Variants in WASHC5 observed in about 807,000 individuals in gnomAD.
The protein encoded by WASHC5 is WASH complex subunit 5, also known as WASH complex subunit strumpellin.
WASHC5 carries 101 observed loss-of-function variants against 150.4 expected under a neutral mutation model. That is an observed-to-expected ratio of 0.67 (90% CI 0.57 to 0.79). The LOEUF (loss-of-function observed/expected upper bound fraction) is 0.79, where lower values mean the gene tolerates loss of function less well. WASHC5 is among the 30% of genes least tolerant of loss of function. WASHC5 has a pLI of 0.00. For missense variants in WASHC5, 1,195 were observed against 1,396.3 expected (o/e 0.86, Z 2.30); for synonymous variants, 467 against 491.2 (o/e 0.95, Z 0.65).
chr8:125,035,294 A>G (rs943924877), intron 26 of WASHC5, among the ~76,000 whole-genome samples: 1 of 152,226 alleles, frequency 6.6e-6, no homozygotes, highest in Non-Finnish European at 1.5e-5. Flanking sequence ...ACTTTCCATA[A>G]GCAGCTTTAC....
chr8:125,028,057 C>A (rs1009254295), intron 28 of WASHC5, among the ~76,000 whole-genome samples: 2 of 152,154 alleles, frequency 1.3e-5, no homozygotes, highest in African/African-American at 4.8e-5. Context: ...TTCTAAAAAT[C>A]AAATGATTTT....
intron 27 of WASHC5, among the ~76,000 whole-genome samples, chr8:125,030,637 T>TAA (rs71295816): frequency 0.023 from 1,216 of 52,770 alleles, 63 homozygotes; most frequent in African/African-American, 0.046. Flanking sequence ...CTCTTTCTCA[T>TAA]AAAAAAAAAA....
Position 125,067,655 on chromosome 8 carries a change from G to A in WASHC5, c.1215C>T (p.Tyr405=), listed in dbSNP as rs1233859669. The A allele has an allele frequency of 1.2e-6, 2 of 1,613,338 alleles. No homozygotes were observed. Among genetic ancestry groups the A allele is most frequent in the Admixed American group, 1.7e-5 (1 of 60,022 alleles). Residue 405 remains tyrosine (Y), a synonymous_variant, in exon 10 of 29, where the codon TAC becomes TAT. Transcript: ENST00000318410. ...IKDQILTDSR[Y]NPRILFQLLL... ...GCAGCTGGAAGAGGATCCTGGGATT[G>A]TACCGAGAGTCTGTTAGAATCTGGT... is the stretch of plus-strand genomic sequence containing the variant.
At chr8:125,046,418 T>G (rs1816070762) in intron 20 of WASHC5, among the ~76,000 whole-genome samples, 1 of 152,230 alleles carries the variant, frequency 6.6e-6, no homozygotes, top group Non-Finnish European at 1.5e-5. Flanking sequence ...ACCCAGTTAC[T>G]GCTGAACGTA....
At chr8:125,044,990 G>A (rs1022638661) in intron 20 of WASHC5, 3 of 421,140 alleles carry the variant, frequency 7.1e-6, no homozygotes, top group Non-Finnish European at 1.3e-5. Flanking sequence ...AGAAGACAAG[G>A]TTAGGTTCAG....
chr8:125,035,679 G>C (rs1815683506), intron 26 of WASHC5, among the ~76,000 whole-genome samples: 1 of 152,254 alleles, frequency 6.6e-6, no homozygotes, highest in Admixed American at 6.5e-5. Flanking sequence ...TGTTTGAGGA[G>C]ATCATGCTCT....
At chr8:125,032,558 G>A in intron 26 of WASHC5, 164 bp from the exon 27 acceptor site, 1 of 775,390 alleles carries the variant, frequency 1.3e-6, no homozygotes. Context: ...ATTAGCCACA[G>A]GATTGGTAGG....
chr8:125,067,413 G>A (rs1414889066), intron 10 of WASHC5, among the ~76,000 whole-genome samples, 179 bp downstream of exon 10: 1 of 152,170 alleles, frequency 6.6e-6, no homozygotes, highest in Non-Finnish European at 1.5e-5. Flanking sequence ...CCAGTGAAAG[G>A]AGGCACTACA....
chr8:125,037,358 T>C, intron 25 of WASHC5, 25 bp from the exon 26 acceptor site: 1 of 1,343,890 alleles, frequency 7.4e-7, no homozygotes, highest in Non-Finnish European at 1.1e-6. Flanking sequence ...GTAAGAAAAA[T>C]AGATGGTTAA....
chr8:125,087,946 C>A (rs113279253), intron 1 of WASHC5, among the ~76,000 whole-genome samples: 1 of 151,966 alleles, frequency 6.6e-6, no homozygotes, highest in Non-Finnish European at 1.5e-5. Context: ...GAAGAAAAAA[C>A]ATAATAAAGG....
At position 125,083,192 on chromosome 8, in the gene WASHC5, G is replaced by A. The variant is rs371245542; in HGVS notation, c.253C>T (p.Arg85Cys). The stretch of plus-strand genomic sequence containing the variant: ...GTCACAATTTCTATGTTGTTTTCAC[G>A]AAATTCTTCATCTAAATCCTGTAGC... ...PELQDLDEEF[R>C]ENNIEIVTRF... The change falls in exon 3 of 29, where the codon CGT (arginine) becomes TGT (cysteine). Residue 85 changes from arginine to cysteine, a missense_variant. Physicochemically the swap from Arg to Cys is radical, Grantham distance 180. Transcript: ENST00000318410. 8 of 1,609,026 alleles carry A rather than the reference G, an allele frequency of 5.0e-6. No homozygotes were observed. The African/African-American group carries it at 6.7e-5, about 13-fold the overall frequency.
intron 15 of WASHC5, 121 bp from the exon 16 acceptor site, chr8:125,056,938 T>TA: frequency 4.4e-6 from 5 of 1,128,298 alleles, no homozygotes; most frequent in Non-Finnish European, 5.4e-6. Context: ...AAAGAGCTGT[T>TA]TTAATAACTG....
At chr8:125,033,267 C>T (rs1815593093) in intron 26 of WASHC5, among the ~76,000 whole-genome samples, 1 of 152,122 alleles carries the variant, frequency 6.6e-6, no homozygotes, top group African/African-American at 2.4e-5. Context: ...TAAGAACAGA[C>T]AAATAGATCA....
intron 26 of WASHC5, chr8:125,032,757 G>C: frequency 3.4e-6 from 1 of 290,108 alleles, no homozygotes; most frequent in Non-Finnish European, 6.7e-6. Flanking sequence ...TGACATACTA[G>C]ATACCCTGAA....
chr8:125,026,229 T>C (rs1454409374), intron 28 of WASHC5, among the ~76,000 whole-genome samples: 1 of 152,220 alleles, frequency 6.6e-6, no homozygotes, highest in Non-Finnish European at 1.5e-5. Context: ...TCATTTCTAT[T>C]TTCTTGAAAA....
intron 6 of WASHC5, among the ~76,000 whole-genome samples, chr8:125,076,744 T>TAAA (rs59580091): frequency 1.5e-5 from 2 of 132,274 alleles, no homozygotes; most frequent in East Asian, 2.2e-4. Context: ...AGTCTTTTCT[T>TAAA]AAAAAAAAAA....
At chr8:125,060,967 G>A (rs949219098) in intron 12 of WASHC5, 115 bp downstream of exon 12, 32 of 692,920 alleles carry the variant, frequency 4.6e-5, no homozygotes, top group South Asian at 4.5e-5. Flanking sequence ...AATTCACATC[G>A]CTTTTACTTC....
At chr8:125,062,131 A>G (rs75989919) in intron 11 of WASHC5, among the ~76,000 whole-genome samples, 4,002 of 152,262 alleles carry the variant, frequency 0.026, 184 homozygotes, top group African/African-American at 0.092. Flanking sequence ...AGATTTTTGT[A>G]GGGCTGAGGG....
chr8:125,063,284 A>G (rs1816655663), intron 11 of WASHC5, among the ~76,000 whole-genome samples: 1 of 152,200 alleles, frequency 6.6e-6, no homozygotes, highest in Non-Finnish European at 1.5e-5. Context: ...ATAACCTCAC[A>G]TTTCAAAGAT....
Sources: gnomAD v4.1 joint callset for allele counts (sites outside exome capture counted in the v4.1 genomes callset) on GRCh38, gnomAD v4.1.1 for gene constraint, MANE v1.5 for transcripts, NCBI Gene and HGNC (gene_info 2026-07-23, HGNC 2026-07-21) for gene names.